Variants in CFAP95 observed in about 807,000 individuals in gnomAD.
CFAP95 encodes the protein cilia and flagella associated protein 95, also known as cilia- and flagella-associated protein 95.
the CFAP95 span, among the ~76,000 whole-genome samples, chr9:69,843,612 CTTCTTCTTCTTCTTCTTCCT>C: frequency 1.3e-4 from 10 of 75,288 alleles, no homozygotes; most frequent in African/African-American, 8.4e-4. Context: ...TCTTCTTCTT[CTTCTTCTTCTTCTTCTTCCT>C]CCTCCTCCTC....
chr9:69,852,298 C>G, the CFAP95 span, among the ~76,000 whole-genome samples: 1 of 151,970 alleles, frequency 6.6e-6, no homozygotes, highest in Non-Finnish European at 1.5e-5. Flanking sequence ...CTCCTTTATT[C>G]CAAGTAAGTG....
the CFAP95 span, among the ~76,000 whole-genome samples, chr9:69,831,144 T>C: frequency 6.6e-6 from 1 of 152,198 alleles, no homozygotes; most frequent in African/African-American, 2.4e-5. Flanking sequence ...TTTGGTAAGC[T>C]ACTAGATCTC....
the CFAP95 span, among the ~76,000 whole-genome samples, chr9:69,899,603 A>T: frequency 6.6e-6 from 1 of 152,190 alleles, no homozygotes; most frequent in South Asian, 2.1e-4. Flanking sequence ...CTTGATTGGC[A>T]TCTAGAAACT....
At chr9:69,903,187 A>T in the CFAP95 span, among the ~76,000 whole-genome samples, 6 of 152,192 alleles carry the variant, frequency 3.9e-5, no homozygotes, top group African/African-American at 1.4e-4. Context: ...AGAGCTGCAA[A>T]CTGCACCCTG....
At chr9:69,827,463 A>G in the CFAP95 span, among the ~76,000 whole-genome samples, 1 of 152,204 alleles carries the variant, frequency 6.6e-6, no homozygotes, top group Non-Finnish European at 1.5e-5. Context: ...TTAGTTTAAC[A>G]GCTTGTTTTA....
chr9:69,905,829 A>T, the CFAP95 span: 1 of 709,628 alleles, frequency 1.4e-6, no homozygotes, highest in East Asian at 3.3e-5. Context: ...TGAGAGAACA[A>T]ATTAATCAAT....
At chr9:69,833,081 T>C in the CFAP95 span, among the ~76,000 whole-genome samples, 1 of 152,198 alleles carries the variant, frequency 6.6e-6, no homozygotes, top group Admixed American at 6.5e-5. Context: ...TGGCTTTTAG[T>C]ATTCACCAAG....
the CFAP95 span, among the ~76,000 whole-genome samples, chr9:69,837,420 A>G: frequency 6.6e-6 from 1 of 151,868 alleles, no homozygotes; most frequent in South Asian, 2.1e-4. Flanking sequence ...AATGATTGCC[A>G]TTCTAACTGG....
chr9:69,821,362 C>T, the CFAP95 span, among the ~76,000 whole-genome samples: 1 of 152,090 alleles, frequency 6.6e-6, no homozygotes, highest in East Asian at 1.9e-4. Context: ...CTTTCAGGGG[C>T]AGCTCCCAGC....
chr9:69,843,546 C>CT, the CFAP95 span, among the ~76,000 whole-genome samples: 253 of 29,882 alleles, frequency 8.5e-3, 32 homozygotes, highest in Non-Finnish European at 0.013. Context: ...CCTCCTCCTC[C>CT]TCCTCCTCCT....
chr9:69,851,391 T>TA, the CFAP95 span, among the ~76,000 whole-genome samples: 1 of 152,178 alleles, frequency 6.6e-6, no homozygotes, highest in East Asian at 1.9e-4. Flanking sequence ...TTTCAATAAG[T>TA]AAAATATTTC....
At chr9:69,850,811 C>A in the CFAP95 span, among the ~76,000 whole-genome samples, 1 of 152,164 alleles carries the variant, frequency 6.6e-6, no homozygotes, top group Admixed American at 6.5e-5. Context: ...GTTGATGTCA[C>A]AGGTTTCAGC....
the CFAP95 span, among the ~76,000 whole-genome samples, chr9:69,850,634 T>A: frequency 6.6e-6 from 1 of 152,234 alleles, no homozygotes; most frequent in Admixed American, 6.5e-5. Context: ...ATCTTATAGA[T>A]GCTTCTTGCA....
At chr9:69,845,832 A>C in the CFAP95 span, among the ~76,000 whole-genome samples, 3 of 152,286 alleles carry the variant, frequency 2.0e-5, no homozygotes, top group Middle Eastern at 6.8e-3. Flanking sequence ...CTCTTGCTCC[A>C]TAGCCCAGAT....
At chr9:69,859,299 T>C in the CFAP95 span, among the ~76,000 whole-genome samples, 1 of 152,136 alleles carries the variant, frequency 6.6e-6, no homozygotes, top group African/African-American at 2.4e-5. Flanking sequence ...AACTCTACCA[T>C]TGAATTATCT....
chr9:69,874,310 A>G, the CFAP95 span, among the ~76,000 whole-genome samples: 1 of 152,210 alleles, frequency 6.6e-6, no homozygotes, highest in Non-Finnish European at 1.5e-5. Flanking sequence ...AATAAAAGGC[A>G]TTCTCTCTCT....
the CFAP95 span, among the ~76,000 whole-genome samples, chr9:69,868,767 A>T: frequency 6.6e-6 from 1 of 151,806 alleles, no homozygotes; most frequent in African/African-American, 2.4e-5. Flanking sequence ...AAAAGAGCTT[A>T]ATATCCAAAA....
At chr9:69,843,911 C>T in the CFAP95 span, among the ~76,000 whole-genome samples, 2 of 151,872 alleles carry the variant, frequency 1.3e-5, no homozygotes, top group African/African-American at 4.8e-5. Context: ...GCTGAGATTA[C>T]AGGCGTGTGT....
chr9:69,843,597 CTT>C, the CFAP95 span, among the ~76,000 whole-genome samples: 7 of 69,782 alleles, frequency 1.0e-4, no homozygotes, highest in Non-Finnish European at 1.5e-4. Context: ...TCTTCTTCTT[CTT>C]CTTCTTCTTC....
Sources: allele counts gnomAD v4.1 joint callset (sites outside exome capture counted in the v4.1 genomes callset), GRCh38; gene constraint gnomAD v4.1.1; transcripts MANE v1.5; gene names NCBI Gene and HGNC (gene_info 2026-07-23, HGNC 2026-07-21).